The following PARD3 variants were observed in gnomAD, a reference collection of about 807,000 sequenced individuals.
The protein encoded by PARD3 is partitioning defective 3 homolog.
PARD3 carries 75 observed loss-of-function variants against 155.4 expected under a neutral mutation model. The observed-to-expected ratio is 0.48, with a 90% CI of 0.40 to 0.58. The LOEUF (loss-of-function observed/expected upper bound fraction) is 0.58. Ranked by LOEUF, PARD3 falls within the 20% of genes least tolerant of loss-of-function variation. The pLI, the probability that PARD3 is intolerant of heterozygous loss-of-function variation, is 0.00. For missense variants in PARD3, 1,642 were observed against 1,721.7 expected, an observed-to-expected ratio of 0.95 and a Z score of 0.82; for synonymous variants, 576 against 610.5, an observed-to-expected ratio of 0.94 and a Z score of 0.83.
Position 34,609,500 on chromosome 10 carries a change from T to C in PARD3, c.222+86818A>G, listed in dbSNP as rs188125748. Reference sequence around the variant, plus strand: ...ACTCCTGAGATACAGAGCCAGTTGGTTAAGGAGCGTAAGAAGAGATCGAGG... The same window carrying C: ...ACTCCTGAGATACAGAGCCAGTTGGCTAAGGAGCGTAAGAAGAGATCGAGG... On this transcript the variant is annotated intron_variant, in intron 2 of 24. Coordinates refer to ENST00000374788, the MANE Select transcript of PARD3 (RefSeq NM_001184785.2). Among the ~76,000 whole-genome samples the C allele has an allele frequency of 7.2e-5, 11 of 152,274 alleles. 1 individual carries two copies. Among genetic ancestry groups the C allele is most frequent in the African/African-American group, 2.6e-4 (11 of 41,554 alleles).
intron 20 of PARD3, among the ~76,000 whole-genome samples, chr10:34,288,330 T>C (rs1460322467): frequency 6.6e-6 from 1 of 152,238 alleles, no homozygotes; most frequent in African/African-American, 2.4e-5. Flanking sequence ...AATTATGTGA[T>C]TTCTTTAAGG....
chr10:34,721,545 G>C (rs2094606306), intron 1 of PARD3, among the ~76,000 whole-genome samples: 1 of 152,200 alleles, frequency 6.6e-6, no homozygotes, highest in Admixed American at 6.5e-5. Flanking sequence ...CCCCAGGAGT[G>C]CCCAGCATCC....
At chr10:34,723,590 C>T (rs925405978) in intron 1 of PARD3, among the ~76,000 whole-genome samples, 6 of 152,036 alleles carry the variant, frequency 3.9e-5, no homozygotes, top group Admixed American at 3.9e-4. Context: ...TTTGAAAAAC[C>T]AAAATGTATT....
At chr10:34,373,630 G>A (rs1243467759) in intron 11 of PARD3, among the ~76,000 whole-genome samples, 1 of 151,704 alleles carries the variant, frequency 6.6e-6, no homozygotes, top group Non-Finnish European at 1.5e-5. Flanking sequence ...GGGGGAAAAC[G>A]AAAAACTGAA....
chr10:34,282,603 T>A (rs1418185456), intron 21 of PARD3, among the ~76,000 whole-genome samples: 1 of 152,100 alleles, frequency 6.6e-6, no homozygotes, highest in African/African-American at 2.4e-5. Context: ...TAGTACAGGA[T>A]TAATGAAGCT....
intron 2 of PARD3, among the ~76,000 whole-genome samples, chr10:34,589,009 G>A (rs1435967198): frequency 6.6e-6 from 1 of 152,096 alleles, no homozygotes; most frequent in Non-Finnish European, 1.5e-5. Context: ...AAGACAGAAG[G>A]TTCATTTGGT....
chr10:34,192,668 C>CG (rs1950764709), intron 22 of PARD3, among the ~76,000 whole-genome samples: 1 of 152,170 alleles, frequency 6.6e-6, no homozygotes, highest in Non-Finnish European at 1.5e-5. Context: ...ACCTCCTGGA[C>CG]GTCAGAGTGT....
chr10:34,601,077 C>T (rs1358276521), intron 2 of PARD3, among the ~76,000 whole-genome samples: 3 of 146,666 alleles, frequency 2.0e-5, no homozygotes, highest in Non-Finnish European at 4.5e-5. Context: ...TCCCAAAGTG[C>T]ACGCATTACA....
At chr10:34,147,683 A>T (rs1257226291) in intron 22 of PARD3, among the ~76,000 whole-genome samples, 1 of 151,860 alleles carries the variant, frequency 6.6e-6, no homozygotes, top group African/African-American at 2.4e-5. Flanking sequence ...ACTTAATATG[A>T]TTATAGATTT....
At chr10:34,802,724 T>G (rs1842935600) in intron 1 of PARD3, among the ~76,000 whole-genome samples, 2 of 152,174 alleles carry the variant, frequency 1.3e-5, no homozygotes, top group Non-Finnish European at 2.9e-5. Context: ...TGCCACATGA[T>G]TTCCCACATG....
intron 20 of PARD3, among the ~76,000 whole-genome samples, chr10:34,290,008 T>C (rs1421880513): frequency 1.3e-5 from 2 of 152,246 alleles, no homozygotes; most frequent in Non-Finnish European, 2.9e-5. Context: ...GTTTCCTTGC[T>C]ATTAAAACCA....
chr10:34,707,515 C>T (rs1009250529), intron 1 of PARD3, among the ~76,000 whole-genome samples: 1 of 152,138 alleles, frequency 6.6e-6, no homozygotes, highest in African/African-American at 2.4e-5. Context: ...CTGATGCACA[C>T]TGAGGTTTGA....
chr10:34,353,442 G>A (rs111357740), intron 14 of PARD3, among the ~76,000 whole-genome samples: 16,893 of 152,204 alleles, frequency 0.11, 1,897 homozygotes, highest in African/African-American at 0.29. Flanking sequence ...TCTGAAACAT[G>A]TGCTGTGTCC....
chr10:34,798,629 C>G (rs1347121778), intron 1 of PARD3, among the ~76,000 whole-genome samples: 1 of 150,574 alleles, frequency 6.6e-6, no homozygotes, highest in African/African-American at 2.4e-5. Context: ...CACTAGAACC[C>G]GGGAGGCAGA....
chr10:34,161,468 A>G (rs984195953), intron 22 of PARD3, among the ~76,000 whole-genome samples: 2 of 152,184 alleles, frequency 1.3e-5, no homozygotes, highest in East Asian at 3.9e-4. Context: ...ATTCTGCTTT[A>G]CTTTAGGAAA....
At chr10:34,756,294 C>T (rs1170372432) in intron 1 of PARD3, among the ~76,000 whole-genome samples, 23 of 150,440 alleles carry the variant, frequency 1.5e-4, no homozygotes, top group African/African-American at 5.1e-4. Flanking sequence ...GCTGGGACTA[C>T]AGGCACCCGC....
Position 34,205,762 on chromosome 10 carries a change from T to A in PARD3, c.3419+63895A>T, listed in dbSNP as rs112173560. Among the ~76,000 whole-genome samples, 1,056 of 152,228 alleles carry A rather than the reference T, an allele frequency of 6.9e-3. 10 individuals carry two copies. Among genetic ancestry groups the A allele is most frequent in the African/African-American group, 0.025 (1,026 of 41,528 alleles). On this transcript the variant is annotated intron_variant, in intron 22 of 24. Coordinates refer to ENST00000374788, the MANE Select transcript of PARD3 (RefSeq NM_001184785.2). ...CTCCTGCCTCTTCACTTTCCTAGCT[T>A]CCTCTGGGGTCAAGAAAAAGCCACA...
At chr10:34,803,569 T>A (rs1284006473) in intron 1 of PARD3, among the ~76,000 whole-genome samples, 1 of 152,166 alleles carries the variant, frequency 6.6e-6, no homozygotes, top group Non-Finnish European at 1.5e-5. Flanking sequence ...GGCAGGCGGA[T>A]GACTTTAGGT....
chr10:34,480,901 A>T (rs1245435600), intron 3 of PARD3, among the ~76,000 whole-genome samples: 1 of 149,134 alleles, frequency 6.7e-6, no homozygotes, highest in African/African-American at 2.5e-5. Flanking sequence ...TCTCAGGTTC[A>T]AGCTCTTCTC....
Sources: gnomAD v4.1 joint callset for allele counts (sites outside exome capture counted in the v4.1 genomes callset) on GRCh38, gnomAD v4.1.1 for gene constraint, MANE v1.5 for transcripts, NCBI Gene and HGNC (gene_info 2026-07-23, HGNC 2026-07-21) for gene names.